CSNK1D: variants seen among roughly 807,000 people sequenced by gnomAD.
The protein encoded by CSNK1D is casein kinase 1 delta.
CSNK1D carries 16 observed loss-of-function variants against 46.6 expected under a neutral mutation model. The ratio of observed to expected loss-of-function variants is 0.34; its 90% CI spans 0.23 to 0.52. CSNK1D has a LOEUF of 0.52. CSNK1D is among the 20% of genes least tolerant of loss of function. The probability of loss-of-function intolerance (pLI) is 0.95; values close to 1 mark genes in which losing one functional copy is unlikely to be tolerated. For synonymous variants in CSNK1D, 276 were observed against 228.2 expected, an observed-to-expected ratio of 1.21 and a Z score of -1.89; for missense variants, 398 against 578.4, an observed-to-expected ratio of 0.69 and a Z score of 3.20.
intron 1 of CSNK1D, among the ~76,000 whole-genome samples, chr17:82,269,041 GAGCTGAGAT>G (rs968854230): frequency 6.7e-6 from 1 of 149,566 alleles, no homozygotes; most frequent in Non-Finnish European, 1.5e-5. Flanking sequence ...GGGTTGCAGT[GAGCTGAGAT>G]CGCGCCACTG....
intron 3 of CSNK1D, chr17:82,253,985 T>C (rs2051087150): frequency 9.0e-6 from 2 of 221,908 alleles, no homozygotes; most frequent in Middle Eastern, 1.9e-3. Flanking sequence ...CAGAAGCCAG[T>C]GAGCTGAGCC....
Position 82,273,647 on chromosome 17 carries a change from T to A in CSNK1D, c.-266A>T. On this transcript the variant is annotated 5_prime_UTR_variant, in exon 1 of 9. Transcript: ENST00000314028. This position sits in a 1 kb window ranked among gnomAD's most constrained non-coding sequence, Gnocchi z 5.1. ...CCCCGCCGCGGATGGACTCGGATCT[T>A]CCGGGCCTAAATCCCCTTTCAGCTG... The A allele has an allele frequency of 1.8e-6, 1 of 547,184 alleles. No homozygotes were observed. Among genetic ancestry groups the A allele is most frequent in the Non-Finnish European group, 3.2e-6 (1 of 312,558 alleles). 33.9% of individuals were successfully genotyped at this position (547,184 alleles called of 1,614,324 possible).
chr17:82,265,084 C>T (rs2051434499), intron 2 of CSNK1D, among the ~76,000 whole-genome samples: 1 of 151,994 alleles, frequency 6.6e-6, no homozygotes, highest in Non-Finnish European at 1.5e-5. Context: ...CAGGTGTGAG[C>T]CACTGCGTCT....
chr17:82,244,921 G>C lies in CSNK1D; in HGVS notation c.1198-90C>G. On this transcript the variant is annotated intron_variant, in intron 8 of 8. Coordinates refer to ENST00000314028, the MANE Select transcript of CSNK1D (RefSeq NM_001893.6). ...ACAGTGACGGTGCTGGGCAGGGAGG[G>C]GACGCACCGCCACCGCCTAGCCCCA... 3 of 1,553,416 alleles carry C rather than the reference G, an allele frequency of 1.9e-6. No individual in the cohort carries two copies. The South Asian group carries it at 3.3e-5, about 17-fold the overall frequency.
At chr17:82,253,546 T>C (rs1357763972) in intron 3 of CSNK1D, 1 of 408,960 alleles carries the variant, frequency 2.4e-6, no homozygotes, top group Non-Finnish European at 4.7e-6. Flanking sequence ...CCCAGCACTG[T>C]TCTCTGCACA....
In CSNK1D at chr17:82,244,461, G is replaced by A. The variant is rs756264978; in HGVS notation, c.*320C>T. 381 of 1,350,520 alleles carry A rather than the reference G, an allele frequency of 2.8e-4. No individual in the cohort carries two copies. Among genetic ancestry groups the A allele is most frequent in the Admixed American group, 6.4e-4 (21 of 32,638 alleles). 83.7% of individuals were successfully genotyped at this position (1,350,520 alleles called of 1,614,324 possible). ...GTAGTTACAGTGGAATCGTCAGGGA[G>A]TACAGGGCGGCCACCACTGGAGGGA... On this transcript the variant is annotated 3_prime_UTR_variant, in exon 9 of 9. Coordinates refer to ENST00000314028, the MANE Select transcript of CSNK1D (RefSeq NM_001893.6).
At chr17:82,257,831 AAG>A (rs1271457551) in intron 2 of CSNK1D, among the ~76,000 whole-genome samples, 1 of 152,254 alleles carries the variant, frequency 6.6e-6, no homozygotes, top group African/African-American at 2.4e-5. Flanking sequence ...AACCTGGAGT[AAG>A]AGGTTAACTG....
At position 82,255,200 on chromosome 17, in the gene CSNK1D, T is replaced by C; in HGVS notation, c.336+229A>G. On this transcript the variant is annotated intron_variant, in intron 3 of 8. Transcript: ENST00000314028. This position sits in a 1 kb window ranked among gnomAD's most constrained non-coding sequence, Gnocchi z 5.9. Reference sequence around the variant, plus strand: ...GCCAGTGAGCTGGGCCGCCGGAGCCTCGAGAAGCCAGTGAGCTGGGCCGCC... The same window carrying C: ...GCCAGTGAGCTGGGCCGCCGGAGCCCCGAGAAGCCAGTGAGCTGGGCCGCC... 1.7e-6 allele frequency: 1 copy of C among 586,850 alleles called. No individual in the cohort carries two copies. The highest frequency in any genetic ancestry group is 3.0e-6 in the Non-Finnish European group (1 of 328,526). 36.4% of individuals were successfully genotyped at this position (586,850 alleles called of 1,614,324 possible). A position where few individuals can be genotyped will look rare whatever the true frequency, so the allele number is the denominator to read the frequency against.
intron 1 of CSNK1D, among the ~76,000 whole-genome samples, chr17:82,268,089 C>T (rs2051524749): frequency 6.6e-6 from 1 of 152,222 alleles, no homozygotes; most frequent in Admixed American, 6.5e-5. Flanking sequence ...TCCTGTGGAA[C>T]CGACACCAAG....
At position 82,261,688 on chromosome 17, in the gene CSNK1D, G is replaced by C. The variant is rs948598572; in HGVS notation, c.187+3998C>G. 3.9e-5 allele frequency among the ~76,000 whole-genome samples: 6 copies of C among 152,226 alleles called. No individual in the cohort carries two copies. The South Asian group carries it at 1.2e-3, about 32-fold the overall frequency. On this transcript the variant is annotated intron_variant, in intron 2 of 8. Coordinates refer to ENST00000314028, the MANE Select transcript of CSNK1D (RefSeq NM_001893.6). ...GGCACAGACATGGGGCTGGGCGGGC[G>C]AATGGGCTCCACAGGGAGTGTTCCC...
Position 82,255,245 on chromosome 17 carries a change from G to C in CSNK1D, c.336+184C>G, listed in dbSNP as rs1036506929. The C allele has an allele frequency of 4.1e-6, 3 of 735,276 alleles. No homozygotes were observed. The highest frequency in any genetic ancestry group is 7.0e-6 in the Non-Finnish European group (3 of 426,486). 45.5% of individuals were successfully genotyped at this position (735,276 alleles called of 1,614,324 possible). Reference sequence around the variant, plus strand: ...GCCGCCGGAGCCTCGAGAAGCCAGTGAGCGGAGCCACCGGAGCCTCGAGAA... The same window carrying C: ...GCCGCCGGAGCCTCGAGAAGCCAGTCAGCGGAGCCACCGGAGCCTCGAGAA... On this transcript the variant is annotated intron_variant, in intron 3 of 8. Coordinates refer to ENST00000314028, the MANE Select transcript of CSNK1D (RefSeq NM_001893.6). This position sits in a 1 kb window ranked among gnomAD's most constrained non-coding sequence, Gnocchi z 5.9.
rs939443223 is a variant in CSNK1D at position 82,248,610 on chromosome 17, C to A, written c.1197+265G>T. On this transcript the variant is annotated intron_variant, in intron 8 of 8. Coordinates refer to ENST00000314028, the MANE Select transcript of CSNK1D (RefSeq NM_001893.6). The surrounding 1 kb of genome is among the most constrained non-coding windows in gnomAD (Gnocchi z 4.1). Reference sequence around the variant, plus strand: ...GGGCACTCAAACAGCAGGAGAAAGCCCCCACGGTTTGCTGGCCTCAGGGAC... The same window carrying A: ...GGGCACTCAAACAGCAGGAGAAAGCACCCACGGTTTGCTGGCCTCAGGGAC... 2 of 1,329,706 alleles carry A rather than the reference C, an allele frequency of 1.5e-6. No individual in the cohort carries two copies. The highest frequency in any genetic ancestry group is 1.5e-5 in the African/African-American group (1 of 67,432). The allele number at this position is 1,329,706 out of a possible 1,614,324, so 82.4% of individuals were successfully genotyped here.
intron 2 of CSNK1D, among the ~76,000 whole-genome samples, chr17:82,259,525 A>G (rs1218117502): frequency 1.3e-5 from 2 of 152,250 alleles, no homozygotes; most frequent in Non-Finnish European, 2.9e-5. Flanking sequence ...ATCAATATGC[A>G]GACGTCTGCG....
In CSNK1D at chr17:82,243,543, C is replaced by T. The variant is rs2050778487; in HGVS notation, c.*1238G>A. 1 of 985,342 alleles carries T rather than the reference C, an allele frequency of 1.0e-6. No individual in the cohort carries two copies. 61.0% of individuals were successfully genotyped at this position (985,342 alleles called of 1,614,324 possible). ...CCACGCACGCTGCTTCACTTCTGAC[C>T]AACAGACACGCGCCCAACAGAAGGT... On this transcript the variant is annotated 3_prime_UTR_variant, in exon 9 of 9. Coordinates refer to ENST00000314028, the MANE Select transcript of CSNK1D (RefSeq NM_001893.6).
chr17:82,250,013 G>A lies in CSNK1D; in HGVS notation c.886-411C>T. The A allele has an allele frequency of 6.5e-6, 8 of 1,239,760 alleles. No individual in the cohort carries two copies. Among genetic ancestry groups the A allele is most frequent in the Non-Finnish European group, 7.3e-6 (7 of 964,102 alleles). The allele number at this position is 1,239,760 out of a possible 1,614,324, so 76.8% of individuals were successfully genotyped here. ...CAGCTGGGGAGGAAAGCGGGGTGGG[G>A]ATGAGAGCGTTTGGTCGGACGAGGA... On this transcript the variant is annotated intron_variant, in intron 6 of 8. Coordinates refer to ENST00000314028, the MANE Select transcript of CSNK1D (RefSeq NM_001893.6). This position sits in a 1 kb window ranked among gnomAD's most constrained non-coding sequence, Gnocchi z 4.6.
At position 82,252,962 on chromosome 17, in the gene CSNK1D, C is replaced by A; in HGVS notation, c.565+54G>T. Reference sequence around the variant, plus strand: ...AGGCTGGCCTCTCCCTGGGCTGAGGCATGGACGCGCCCAAAGGCACCCCAG... The same window carrying A: ...AGGCTGGCCTCTCCCTGGGCTGAGGAATGGACGCGCCCAAAGGCACCCCAG... On this transcript the variant is annotated intron_variant, in intron 4 of 8. Coordinates refer to ENST00000314028, the MANE Select transcript of CSNK1D (RefSeq NM_001893.6). This position sits in a 1 kb window ranked among gnomAD's most constrained non-coding sequence, Gnocchi z 4.6. 2.0e-6 allele frequency: 3 copies of A among 1,512,422 alleles called. No homozygotes were observed. The highest frequency in any genetic ancestry group is 1.8e-6 in the Non-Finnish European group (2 of 1,091,340). The allele number at this position is 1,512,422 out of a possible 1,614,324, so 93.7% of individuals were successfully genotyped here.
At position 82,249,000 on chromosome 17, in the gene CSNK1D, G is replaced by A. The variant is rs761582856; in HGVS notation, c.1072C>T (p.Arg358Trp). The A allele has an allele frequency of 5.8e-6, 9 of 1,561,480 alleles. No homozygotes were observed. The highest frequency in any genetic ancestry group is 7.8e-6 in the Non-Finnish European group (9 of 1,152,032). Residue 358 changes from arginine (R) to tryptophan (W), a missense_variant, in exon 8 of 9, where the codon CGG (arginine) becomes TGG (tryptophan). Physicochemically the swap from Arg to Trp is moderately radical, Grantham distance 101. Coordinates refer to ENST00000314028, the MANE Select transcript of CSNK1D (RefSeq NM_001893.6). This position sits in a 1 kb window ranked among gnomAD's most constrained non-coding sequence, Gnocchi z 4.1. ...TCTCTCTCCATGCCGGAGACGGGCCGGGGGGAGGTGTTAGCTGAGGACAGG... is the reference window on the plus strand; with the variant it reads ...TCTCTCTCCATGCCGGAGACGGGCCAGGGGGAGGTGTTAGCTGAGGACAGG... ...PTSHTANTSP[R>W]PVSGMERERK...
chr17:82,269,453 A>G lies in CSNK1D; in HGVS notation c.77-3657T>C, dbSNP rs141708876. ...TGGCTGGTCAGCATCTTGGGGCCCT[A>G]TTGCATACCAGGCACCCTGCAGGCT... On this transcript the variant is annotated intron_variant, in intron 1 of 8. Coordinates refer to ENST00000314028, the MANE Select transcript of CSNK1D (RefSeq NM_001893.6). 4.8e-3 allele frequency among the ~76,000 whole-genome samples: 730 copies of G among 152,304 alleles called. 5 individuals carry two copies. Among genetic ancestry groups the G allele is most frequent in the Admixed American group, 8.2e-3 (125 of 15,300 alleles).
intron 2 of CSNK1D, among the ~76,000 whole-genome samples, chr17:82,256,583 A>G (rs1390671527): frequency 1.2e-4 from 18 of 152,164 alleles, no homozygotes; most frequent in Admixed American, 1.2e-3. Context: ...GACGTTACGT[A>G]TGAAAAGTCA....
Sources: gnomAD v4.1 joint callset for allele counts (sites outside exome capture counted in the v4.1 genomes callset) on GRCh38, gnomAD v4.1.1 for gene constraint, Gnocchi (gnomAD v3.1) non-coding constraint, MANE v1.5 for transcripts, NCBI Gene and HGNC (gene_info 2026-07-23, HGNC 2026-07-21) for gene names.